EXOC2: variants seen among roughly 807,000 people sequenced by gnomAD.
EXOC2 encodes the protein exocyst complex component 2.
A neutral mutation model predicts 131.8 loss-of-function variants in EXOC2; 70 were observed. The observed-to-expected ratio is 0.53, with a 90% CI of 0.44 to 0.65. EXOC2 has a LOEUF of 0.65. Among genes scored for constraint, EXOC2 ranks in the 30% least tolerant of loss-of-function variants. EXOC2 has a pLI of 0.00. For missense variants in EXOC2, 923 were observed against 1,108.6 expected (o/e 0.83, Z 2.38); for synonymous variants, 411 against 398.4 (o/e 1.03, Z -0.38).
intron 22 of EXOC2, among the ~76,000 whole-genome samples, chr6:542,437 G>T (rs529047236): frequency 6.6e-6 from 1 of 152,314 alleles, no homozygotes; most frequent in Admixed American, 6.5e-5. Context: ...CTTCGGGAAT[G>T]GAGGAGGAGA....
Position 572,658 on chromosome 6 carries a change from G to T in EXOC2, c.1319-14C>A, listed in dbSNP as rs1758350199. On this transcript the variant is annotated splice_polypyrimidine_tract_variant and intron_variant, in intron 12 of 27. Transcript: ENST00000230449. ...TGTATCTCCACGCTAAGGGGGAAAA[G>T]AATAAAATACTATGATTGTACTTCT... 3.7e-6 allele frequency: 6 copies of T among 1,609,518 alleles called. No individual in the cohort carries two copies. In the African/African-American group the frequency reaches 4.0e-5, roughly 11 times the overall value.
intron 20 of EXOC2, among the ~76,000 whole-genome samples, chr6:554,380 C>T (rs1449403845): frequency 6.6e-6 from 1 of 152,108 alleles, no homozygotes; most frequent in Admixed American, 6.5e-5. Context: ...CAGTTAACAG[C>T]TCGAAGAAGG....
chr6:494,065 C>T (rs1316839484), intron 25 of EXOC2, among the ~76,000 whole-genome samples: 3 of 152,192 alleles, frequency 2.0e-5, no homozygotes, highest in Non-Finnish European at 4.4e-5. Context: ...ACAGTTTATA[C>T]TACTCATCTC....
intron 22 of EXOC2, among the ~76,000 whole-genome samples, chr6:536,268 C>T (rs1168927292): frequency 6.6e-6 from 1 of 152,010 alleles, no homozygotes; most frequent in Non-Finnish European, 1.5e-5. Context: ...GGTTGACATA[C>T]TAATGGAATA....
At chr6:592,345 CAAAAGACAATA>C in intron 11 of EXOC2, 113 bp downstream of exon 11, 1 of 820,910 alleles carries the variant, frequency 1.2e-6, no homozygotes, top group Non-Finnish European at 1.9e-6. Flanking sequence ...ACAAAACAAG[CAAAAGACAATA>C]ATAAGAGATA....
chr6:546,487 T>C (rs1756860686), intron 22 of EXOC2, among the ~76,000 whole-genome samples: 2 of 152,202 alleles, frequency 1.3e-5, no homozygotes, highest in Non-Finnish European at 2.9e-5. Flanking sequence ...TTTTCATTTC[T>C]TTGGTGTGCA....
intron 2 of EXOC2, among the ~76,000 whole-genome samples, chr6:633,659 G>C (rs1261357309): frequency 6.6e-6 from 1 of 152,184 alleles, no homozygotes; most frequent in African/African-American, 2.4e-5. Context: ...AGGTAATCTA[G>C]TGAAGTGTGC....
At chr6:545,016 G>A (rs1012042536) in intron 22 of EXOC2, among the ~76,000 whole-genome samples, 22 of 151,306 alleles carry the variant, frequency 1.5e-4, no homozygotes, top group African/African-American at 4.1e-4. Context: ...GCGCAGTGGC[G>A]GGTGCCTGTA....
chr6:531,045 G>A (rs1766046282), intron 23 of EXOC2, among the ~76,000 whole-genome samples: 1 of 152,210 alleles, frequency 6.6e-6, no homozygotes, highest in South Asian at 2.1e-4. Context: ...CGTGGAATCT[G>A]GTACCTGTGG....
At chr6:512,306 C>T (rs11759154) in intron 23 of EXOC2, among the ~76,000 whole-genome samples, 6,848 of 152,332 alleles carry the variant, frequency 0.045, 232 homozygotes, top group Non-Finnish European at 0.07. Flanking sequence ...CCTGACACAG[C>T]TAAACCAGCT....
Position 642,487 on chromosome 6 carries a change from T to C in EXOC2, c.-43-4626A>G, listed in dbSNP as rs1008617142. 9.9e-5 allele frequency among the ~76,000 whole-genome samples: 15 copies of C among 152,150 alleles called. 1 individual carries two copies. The highest frequency in any genetic ancestry group is 3.3e-4 in the Admixed American group (5 of 15,280). ...TACTGAGTTAGTGGCTGTGTGAACA[T>C]AGAAAGTAGGAAAAACACTTGGATT... On this transcript the variant is annotated intron_variant, in intron 1 of 27. Coordinates refer to ENST00000230449, the MANE Select transcript of EXOC2 (RefSeq NM_018303.6).
chr6:511,290 C>T (rs1381877970), intron 23 of EXOC2, among the ~76,000 whole-genome samples: 1 of 152,146 alleles, frequency 6.6e-6, no homozygotes, highest in Non-Finnish European at 1.5e-5. Context: ...AGCTCCTATT[C>T]TCAATATAGC....
At position 555,246 on chromosome 6, in the gene EXOC2, C is replaced by T; in HGVS notation, c.2035G>A (p.Ala679Thr). 1 of 1,521,842 alleles carries T rather than the reference C, an allele frequency of 6.6e-7. No homozygotes were observed. Among genetic ancestry groups the T allele is most frequent in the Non-Finnish European group, 8.9e-7 (1 of 1,120,608 alleles). 94.3% of individuals were successfully genotyped at this position (1,521,842 alleles called of 1,614,324 possible). A position where few individuals can be genotyped will look rare whatever the true frequency, so the allele number is the denominator to read the frequency against. The change falls in exon 20 of 28, where the codon GCA (alanine) becomes ACA (threonine). Residue 679 changes from alanine (A) to threonine (T), a missense_variant. Coordinates refer to ENST00000230449, the MANE Select transcript of EXOC2 (RefSeq NM_018303.6). Reference sequence around the variant, plus strand: ...ACTTACTGTGTAGTATCTATATCTGCATCAGGCTTGGTGCTCAACTGTTCC... The same window carrying T: ...ACTTACTGTGTAGTATCTATATCTGTATCAGGCTTGGTGCTCAACTGTTCC... ...CLEQLSTKPD[A>T]DIDTTHLSVD...
At chr6:546,119 T>A (rs1007738869) in intron 22 of EXOC2, among the ~76,000 whole-genome samples, 1 of 152,164 alleles carries the variant, frequency 6.6e-6, no homozygotes, top group Admixed American at 6.5e-5. Flanking sequence ...TTTTAATTTT[T>A]ATTTTTTTTT....
At chr6:499,561 C>G in intron 24 of EXOC2, 84 bp downstream of exon 24, 1 of 1,209,630 alleles carries the variant, frequency 8.3e-7, no homozygotes, top group Non-Finnish European at 1.2e-6. Flanking sequence ...AAAAAGACCA[C>G]CATAGAAATA....
chr6:498,085 T>C (rs1201379149), intron 24 of EXOC2, among the ~76,000 whole-genome samples: 7 of 152,270 alleles, frequency 4.6e-5, no homozygotes, highest in Non-Finnish European at 7.3e-5. Flanking sequence ...CTGACTCTGC[T>C]GACTCATAAA....
chr6:526,905 A>G (rs1046247643), intron 23 of EXOC2, among the ~76,000 whole-genome samples: 1 of 152,220 alleles, frequency 6.6e-6, no homozygotes, highest in Admixed American at 6.5e-5. Flanking sequence ...CTTCATCTAT[A>G]AAATGAGAAT....
intron 2 of EXOC2, among the ~76,000 whole-genome samples, chr6:636,373 C>T (rs1214721211): frequency 1.3e-5 from 2 of 152,182 alleles, no homozygotes; most frequent in Non-Finnish European, 2.9e-5. Context: ...CAATCAAAAA[C>T]TACCCAGGTT....
At chr6:486,858 G>T in intron 27 of EXOC2, 94 bp from the exon 28 acceptor site, 1 of 912,752 alleles carries the variant, frequency 1.1e-6, no homozygotes, top group South Asian at 1.4e-5. Flanking sequence ...GGCTCTGCCT[G>T]GGCTTGCTGT....
Sources: allele counts gnomAD v4.1 joint callset (sites outside exome capture counted in the v4.1 genomes callset), GRCh38; gene constraint gnomAD v4.1.1; transcripts MANE v1.5; gene names NCBI Gene and HGNC (gene_info 2026-07-23, HGNC 2026-07-21).